The following DDB1 variants were observed in gnomAD, a reference collection of about 807,000 sequenced individuals.
The protein encoded by DDB1 is damage specific DNA binding protein 1.
Under a neutral mutation model 133.1 loss-of-function variants are expected in DDB1, and 18 were observed. The ratio of observed to expected loss-of-function variants is 0.14; its 90% CI spans 0.09 to 0.20. DDB1 has a LOEUF of 0.20. Ranked by LOEUF, DDB1 falls within the 10% of genes least tolerant of loss-of-function variation. The probability of loss-of-function intolerance (pLI) is 1.00; values close to 1 mark genes in which losing one functional copy is unlikely to be tolerated. For synonymous variants in DDB1, 580 were observed against 550.5 expected, an observed-to-expected ratio of 1.05 and a Z score of -0.75; for missense variants, 828 against 1,459.2, an observed-to-expected ratio of 0.57 and a Z score of 7.05.
intron 20 of DDB1, 37 bp from the exon 21 acceptor site, chr11:61,309,114 C>T: frequency 6.3e-7 from 1 of 1,589,516 alleles, no homozygotes; most frequent in Non-Finnish European, 8.6e-7. Context: ...TCTCTATGAG[C>T]CCACACTTTA....
rs553636034 is a variant in DDB1, at chr11:61,326,876, G to A, written c.567C>T (p.His189=). The A allele has an allele frequency of 1.3e-4, 214 of 1,613,814 alleles. 2 individuals carry two copies. In the South Asian group the frequency reaches 2.0e-3, roughly 15 times the overall value. ...CFVYQDPQGR[H]VKTYEVSLRE... ...GGAGAGACACCTCATAGGTTTTTAC[G>A]TGCCGCCCCTGAGGGTCCTGGGGGG... is the stretch of plus-strand genomic sequence containing the variant. Residue 189 remains histidine (H), a synonymous_variant, in exon 5 of 27, where the codon CAC becomes CAT. Transcript: ENST00000301764.
intron 25 of DDB1, chr11:61,301,180 A>C: frequency 2.1e-6 from 1 of 477,140 alleles, no homozygotes; most frequent in Non-Finnish European, 3.7e-6. Flanking sequence ...GAGTCTATTA[A>C]TGTGAAGCCC....
chr11:61,317,024 A>T (rs1856097399), intron 10 of DDB1, among the ~76,000 whole-genome samples: 1 of 120,500 alleles, frequency 8.3e-6, no homozygotes. Context: ...ACACCACTGG[A>T]AGGGCTGGAA....
intron 2 of DDB1, among the ~76,000 whole-genome samples, chr11:61,330,669 GT>G (rs1387562315): frequency 2.5e-4 from 37 of 146,130 alleles, no homozygotes; most frequent in African/African-American, 3.0e-4. Flanking sequence ...TTTGTTTGGT[GT>G]TTTTTTTTTT....
At chr11:61,313,991 T>G in intron 14 of DDB1, 22 bp from the exon 15 acceptor site, 2 of 1,614,182 alleles carry the variant, frequency 1.2e-6, no homozygotes, top group Non-Finnish European at 1.7e-6. Flanking sequence ...GGGGACATTA[T>G]GTTCTTGTTC....
intron 10 of DDB1, among the ~76,000 whole-genome samples, chr11:61,320,732 T>G (rs1197163093): frequency 6.6e-6 from 1 of 152,200 alleles, no homozygotes; most frequent in Non-Finnish European, 1.5e-5. Context: ...TATACAACTT[T>G]AAGGTGGTTT....
intron 21 of DDB1, among the ~76,000 whole-genome samples, chr11:61,304,441 T>G (rs1178825053): frequency 6.6e-6 from 1 of 151,752 alleles, no homozygotes; most frequent in Middle Eastern, 3.4e-3. Flanking sequence ...CATCCCAGCC[T>G]AGGCGACACA....
At chr11:61,309,530 C>A (rs570382720) in intron 20 of DDB1, among the ~76,000 whole-genome samples, 15 of 152,316 alleles carry the variant, frequency 9.8e-5, no homozygotes, top group African/African-American at 3.1e-4. Context: ...TCACTAGATT[C>A]CCTTACCCAT....
Position 61,300,039 on chromosome 11 carries a change from G to C in DDB1, c.*97C>G. 1 of 1,254,334 alleles carries C rather than the reference G, an allele frequency of 8.0e-7. No homozygotes were observed. 77.7% of individuals were successfully genotyped at this position (1,254,334 alleles called of 1,614,324 possible). A position where few individuals can be genotyped will look rare whatever the true frequency, so the allele number is the denominator to read the frequency against. On this transcript the variant is annotated 3_prime_UTR_variant, in exon 27 of 27. Coordinates refer to ENST00000301764, the MANE Select transcript of DDB1 (RefSeq NM_001923.5). ...TCTGGGGGCAGCTGGCTTAGGGAAAGGCCTCCCATGGCCAAGAAGACGATG... is the reference window on the plus strand; with the variant it reads ...TCTGGGGGCAGCTGGCTTAGGGAAACGCCTCCCATGGCCAAGAAGACGATG...
rs1176795277 is a variant in DDB1 at position 61,323,041 on chromosome 11, C to T, written c.975G>A (p.Gly325=). The T allele has an allele frequency of 6.2e-7, 1 of 1,613,770 alleles. No individual in the cohort carries two copies. Among genetic ancestry groups the T allele is most frequent in the African/African-American group, 1.3e-5 (1 of 74,870 alleles). The change falls in exon 8 of 27, where the codon GGG becomes GGA. Residue 325 remains glycine, a synonymous_variant. Coordinates refer to ENST00000301764, the MANE Select transcript of DDB1 (RefSeq NM_001923.5). ...TYLDNGVVFV[G]SRLGDSQLVK... is the part of the protein sequence containing the mutation. The stretch of plus-strand genomic sequence containing the variant: ...CAAGCTGGGAGTCACCCAGGCGAGA[C>T]CCGACAAACACAACACCATTATCAA...
Position 61,303,901 on chromosome 11 carries a change from C to T in DDB1, c.2796G>A (p.Leu932=), listed in dbSNP as rs1432973349. Residue 932 remains leucine, a synonymous_variant, in exon 22 of 27, where the codon CTG becomes CTA. Coordinates refer to ENST00000301764, the MANE Select transcript of DDB1 (RefSeq NM_001923.5). ...LVGDLMRSVL[L]LAYKPMEGNF... is the part of the protein sequence containing the mutation. Reference sequence around the variant, plus strand: ...TTCCTTCCATGGGCTTGTAGGCAAGCAGCAGCACTGAGCGCATAAGGTCGC... The same window carrying T: ...TTCCTTCCATGGGCTTGTAGGCAAGTAGCAGCACTGAGCGCATAAGGTCGC... 1.2e-6 allele frequency: 2 copies of T among 1,614,014 alleles called. No homozygotes were observed. Among genetic ancestry groups the T allele is most frequent in the African/African-American group, 1.3e-5 (1 of 74,978 alleles).
At chr11:61,321,788 TC>T in intron 9 of DDB1, 91 bp from the exon 10 acceptor site, 1 of 1,102,132 alleles carries the variant, frequency 9.1e-7, no homozygotes, top group Non-Finnish European at 1.4e-6. Context: ...TATACCTAAA[TC>T]CAAGAACCTT....
chr11:61,325,816 A>G, intron 5 of DDB1, 108 bp from the exon 6 acceptor site: 1 of 835,604 alleles, frequency 1.2e-6, no homozygotes, highest in Non-Finnish European at 2.0e-6. Flanking sequence ...TAAGGTCATC[A>G]TTATTTTAAA....
At chr11:61,330,120 G>A (rs975174222) in intron 2 of DDB1, 46 bp from the exon 3 acceptor site, 2 of 1,489,944 alleles carry the variant, frequency 1.3e-6, no homozygotes, top group Non-Finnish European at 1.9e-6. Flanking sequence ...TTTTAAAACA[G>A]GAACAACCTG....
At chr11:61,307,412 T>A (rs1047120123) in intron 21 of DDB1, among the ~76,000 whole-genome samples, 3 of 152,248 alleles carry the variant, frequency 2.0e-5, no homozygotes, top group African/African-American at 4.8e-5. Context: ...CCAGCAACAC[T>A]TGGAGTTTAC....
chr11:61,332,869 TC>T, intron 1 of DDB1, 38 bp downstream of exon 1: 1 of 1,442,602 alleles, frequency 6.9e-7, no homozygotes, highest in Non-Finnish European at 9.2e-7. Flanking sequence ...TCCCCCCAAC[TC>T]CCTCACTCGC....
In DDB1 at chr11:61,302,720, G is replaced by A; in HGVS notation, c.2974C>T (p.Leu992Phe). The A allele has an allele frequency of 6.2e-7, 1 of 1,614,186 alleles. No homozygotes were observed. The highest frequency in any genetic ancestry group is 8.5e-7 in the Non-Finnish European group (1 of 1,180,000). The part of the protein sequence containing the change: ...AATTDEERQH[L>F]QEVGLFHLGE... ...AGGTGGAAAAGACCAACCTCCTGGA[G>A]GTGCTGCCGCTCCTCGTCAGTGGTG... Residue 992 changes from leucine (L) to phenylalanine (F), a missense_variant, in exon 24 of 27, where the codon CTC becomes TTC. Leu to Phe is a conservative substitution (Grantham distance 22). This residue lies in a region of DDB1 where 116 missense variants were observed against 221.6 expected (regional missense o/e 0.52). Transcript: ENST00000301764.
intron 6 of DDB1, among the ~76,000 whole-genome samples, chr11:61,325,255 T>C (rs191260074): frequency 2.3e-4 from 35 of 152,280 alleles, no homozygotes; most frequent in African/African-American, 8.4e-4. Context: ...GGAGGATCAC[T>C]TGAGCCCAGG....
chr11:61,316,943 AT>A (rs2134917447), intron 10 of DDB1, among the ~76,000 whole-genome samples: 2 of 30,092 alleles, frequency 6.6e-5, no homozygotes, highest in African/African-American at 9.9e-4. Context: ...AAAAAAAAGG[AT>A]AGATATATAT....
Sources: gnomAD v4.1 joint callset for allele counts (sites outside exome capture counted in the v4.1 genomes callset) on GRCh38, gnomAD v4.1.1 for gene constraint, gnomAD v4.1.1 regional missense constraint, MANE v1.5 for transcripts, NCBI Gene and HGNC (gene_info 2026-07-23, HGNC 2026-07-21) for gene names.